RASAL2: variants seen among roughly 807,000 people sequenced by gnomAD.
The protein encoded by RASAL2 is RAS protein activator like 2.
Under a neutral mutation model 128.9 loss-of-function variants are expected in RASAL2, and 58 were observed. The ratio of observed to expected loss-of-function variants is 0.45; its 90% CI spans 0.36 to 0.56. RASAL2 has a LOEUF of 0.56. Ranked by LOEUF, RASAL2 falls within the 20% of genes least tolerant of loss-of-function variation. RASAL2 has a pLI of 0.00. For synonymous variants in RASAL2, 561 were observed against 580.8 expected, an observed-to-expected ratio of 0.97 and a Z score of 0.49; for missense variants, 1,360 against 1,601.6, an observed-to-expected ratio of 0.85 and a Z score of 2.57.
intron 1 of RASAL2, among the ~76,000 whole-genome samples, chr1:178,242,423 TTCTCTCTCTCTCTCTCTCTC>T (rs58914415): frequency 0.023 from 1,973 of 85,212 alleles, 94 homozygotes; most frequent in Admixed American, 0.077. Context: ...TTATAATTCA[TTCTCTCTCTCTCTCTCTCTC>T]TCTCTCTCTC....
chr1:178,458,659 A>T (rs575890153), intron 14 of RASAL2, 115 bp downstream of exon 14: 11 of 1,396,196 alleles, frequency 7.9e-6, no homozygotes, highest in Non-Finnish European at 1.0e-5. Context: ...CTTAAAAGCA[A>T]CCTTTAAATG....
intron 1 of RASAL2, among the ~76,000 whole-genome samples, chr1:178,250,672 C>T (rs905577038): frequency 6.6e-6 from 1 of 152,160 alleles, no homozygotes; most frequent in African/African-American, 2.4e-5. Context: ...GAGCTGCATA[C>T]CAGAGCTGTT....
intron 3 of RASAL2, among the ~76,000 whole-genome samples, chr1:178,381,100 CA>C (rs1672258629): frequency 6.6e-6 from 1 of 152,038 alleles, no homozygotes; most frequent in Non-Finnish European, 1.5e-5. Context: ...CTGACTGAGG[CA>C]AATTGTAGAA....
chr1:178,454,355 A>T (rs1572104329), intron 11 of RASAL2, 92 bp from the exon 12 acceptor site: 2 of 1,028,338 alleles, frequency 1.9e-6, no homozygotes, highest in Admixed American at 2.3e-5. Flanking sequence ...TCCACAAAAT[A>T]AAAAAAAGTA....
chr1:178,128,216 C>G (rs1659969116), intron 1 of RASAL2, among the ~76,000 whole-genome samples: 1 of 151,960 alleles, frequency 6.6e-6, no homozygotes, highest in Non-Finnish European at 1.5e-5. Flanking sequence ...AAAATTGATT[C>G]ATAGAAAAAA....
chr1:178,137,167 CAG>C (rs1660356503), intron 1 of RASAL2, among the ~76,000 whole-genome samples: 1 of 152,116 alleles, frequency 6.6e-6, no homozygotes, highest in Admixed American at 6.6e-5. Flanking sequence ...TCTTGTTATT[CAG>C]AGTCTTAGAA....
chr1:178,117,622 T>C (rs1404399999), intron 1 of RASAL2, among the ~76,000 whole-genome samples: 5 of 152,068 alleles, frequency 3.3e-5, no homozygotes, highest in African/African-American at 1.2e-4. Flanking sequence ...TCCTTGTGAA[T>C]GGGATTAGTG....
rs143793744 is a variant in RASAL2, at chr1:178,401,600, G to A, written c.564+11394G>A. 2.6e-3 allele frequency among the ~76,000 whole-genome samples: 402 copies of A among 152,216 alleles called. 2 individuals are homozygous for A. Among genetic ancestry groups the A allele is most frequent in the African/African-American group, 9.3e-3 (385 of 41,540 alleles). On this transcript the variant is annotated intron_variant, in intron 4 of 17. Coordinates refer to ENST00000367649, the MANE Select transcript of RASAL2 (RefSeq NM_170692.4). ...AGGCCGTAGTGCGGATGATTGTTCT[G>A]TGAATAGCCACTGAACTCCAGCTTG...
chr1:178,331,337 A>G (rs569218206), intron 3 of RASAL2, among the ~76,000 whole-genome samples: 1 of 152,302 alleles, frequency 6.6e-6, no homozygotes, highest in East Asian at 1.9e-4. Flanking sequence ...ACACGTGACT[A>G]AGAGGCAGCG....
chr1:178,453,055 T>G (rs184416059), intron 11 of RASAL2, among the ~76,000 whole-genome samples: 221 of 152,172 alleles, frequency 1.5e-3, no homozygotes, highest in African/African-American at 5.2e-3. Flanking sequence ...AAAGACAAAT[T>G]CTGCGGTTAC....
chr1:178,341,539 G>C, intron 3 of RASAL2: 1 of 1,613,076 alleles, frequency 6.2e-7, no homozygotes, highest in South Asian at 1.1e-5. Context: ...AAAGTGTTTT[G>C]AGTTTCTGAC....
chr1:178,213,738 T>G (rs1663332189), intron 1 of RASAL2, among the ~76,000 whole-genome samples: 1 of 151,582 alleles, frequency 6.6e-6, no homozygotes, highest in Non-Finnish European at 1.5e-5. Flanking sequence ...ACCTGAAGGT[T>G]CTTGGGGGAG....
Position 178,330,611 on chromosome 1 carries a change from T to C in RASAL2, c.457+30493T>C, listed in dbSNP as rs145584706. On this transcript the variant is annotated intron_variant, in intron 3 of 17. Transcript: ENST00000367649. ...TCATGAAATAACAGATTAAAAATGT[T>C]CTCTGGTAAAAGAATTAAACATTTC... 8.3e-4 allele frequency among the ~76,000 whole-genome samples: 127 copies of C among 152,286 alleles called. 1 individual carries two copies. The highest frequency in any genetic ancestry group is 2.9e-3 in the African/African-American group (120 of 41,554).
chr1:178,437,633 TC>T (rs975184187), intron 5 of RASAL2, among the ~76,000 whole-genome samples: 1 of 152,114 alleles, frequency 6.6e-6, no homozygotes, highest in Non-Finnish European at 1.5e-5. Context: ...GGATTTTTCC[TC>T]CCAGCAACTC....
intron 3 of RASAL2, among the ~76,000 whole-genome samples, chr1:178,370,948 A>G: frequency 6.6e-6 from 1 of 152,168 alleles, no homozygotes; most frequent in East Asian, 1.9e-4. Context: ...CTAGAATAGA[A>G]GCAAAGACCA....
chr1:178,405,057 G>T (rs1269713169), intron 4 of RASAL2, among the ~76,000 whole-genome samples: 1 of 152,106 alleles, frequency 6.6e-6, no homozygotes, highest in Non-Finnish European at 1.5e-5. Flanking sequence ...GGATGACAAC[G>T]AATTCAGTTG....
intron 3 of RASAL2, among the ~76,000 whole-genome samples, chr1:178,310,581 A>G (rs1346435499): frequency 6.6e-6 from 1 of 151,910 alleles, no homozygotes; most frequent in African/African-American, 2.4e-5. Context: ...TAGCAGTAAC[A>G]TTTTTTTTCG....
chr1:178,131,555 A>C (rs976558877), intron 1 of RASAL2, among the ~76,000 whole-genome samples: 2 of 151,896 alleles, frequency 1.3e-5, no homozygotes, highest in African/African-American at 4.8e-5. Context: ...TCCCTGTTGG[A>C]AAGTATACAC....
At chr1:178,366,151 G>A (rs896074808) in intron 3 of RASAL2, among the ~76,000 whole-genome samples, 18 of 152,108 alleles carry the variant, frequency 1.2e-4, no homozygotes, top group Admixed American at 1.2e-3. Context: ...CACTGAAACA[G>A]TTGCTGGTAA....
Sources: gnomAD v4.1 joint callset for allele counts (sites outside exome capture counted in the v4.1 genomes callset) on GRCh38, gnomAD v4.1.1 for gene constraint, MANE v1.5 for transcripts, NCBI Gene and HGNC (gene_info 2026-07-23, HGNC 2026-07-21) for gene names.